The following TIMD4 variants were observed in gnomAD, a reference collection of about 807,000 sequenced individuals.
TIMD4 encodes T cell immunoglobulin and mucin domain containing 4, also known as T-cell immunoglobulin and mucin domain-containing protein 4.
TIMD4 carries 31 observed loss-of-function variants against 41.2 expected under a neutral mutation model. The observed-to-expected ratio is 0.75, with a 90% CI of 0.57 to 1.01. The LOEUF (loss-of-function observed/expected upper bound fraction) is 1.01, where lower values mean the gene tolerates loss of function less well. TIMD4 is among the 50% of genes least tolerant of loss of function. TIMD4 has a pLI of 0.00. For missense variants in TIMD4, 479 were observed against 472.5 expected, an observed-to-expected ratio of 1.01 and a Z score of -0.13; for synonymous variants, 204 against 177.1, an observed-to-expected ratio of 1.15 and a Z score of -1.21.
At chr5:156,945,092 G>A (rs1455985203) in intron 5 of TIMD4, among the ~76,000 whole-genome samples, 1 of 152,228 alleles carries the variant, frequency 6.6e-6, no homozygotes, top group Non-Finnish European at 1.5e-5. Flanking sequence ...ACAGAAGCCT[G>A]TAGGCCCTCT....
intron 3 of TIMD4, among the ~76,000 whole-genome samples, chr5:156,951,307 A>C (rs1221494369): frequency 1.3e-5 from 2 of 152,194 alleles, no homozygotes; most frequent in Non-Finnish European, 2.9e-5. Context: ...TTGACCCAGG[A>C]CTTGTAGAAC....
rs144333831 is a variant in TIMD4 at position 156,939,307 on chromosome 5, A to G, written c.844+9109T>C. Among the ~76,000 whole-genome samples the G allele has an allele frequency of 3.9e-5, 6 of 152,338 alleles. No homozygotes were observed. The South Asian group carries it at 8.3e-4, about 21-fold the overall frequency. On this transcript the variant is annotated intron_variant, in intron 5 of 8. Transcript: ENST00000274532. ...TCATAGATTCAGACAATTGCTCACAATGAGACAATGCACTAGACACGTTGA... is the reference window on the plus strand; with the variant it reads ...TCATAGATTCAGACAATTGCTCACAGTGAGACAATGCACTAGACACGTTGA...
intron 5 of TIMD4, among the ~76,000 whole-genome samples, chr5:156,944,689 T>C (rs1048901334): frequency 6.6e-6 from 1 of 152,028 alleles, no homozygotes; most frequent in African/African-American, 2.4e-5. Context: ...TATTTTTTAG[T>C]AGAGACGGGG....
chr5:156,946,394 C>T (rs1291527161), intron 5 of TIMD4, among the ~76,000 whole-genome samples: 10 of 152,200 alleles, frequency 6.6e-5, no homozygotes, highest in African/African-American at 2.4e-4. Context: ...AGGGCCCCCT[C>T]GCATTTCATC....
At chr5:156,936,272 T>C (rs1581617616) in intron 5 of TIMD4, among the ~76,000 whole-genome samples, 2 of 152,188 alleles carry the variant, frequency 1.3e-5, no homozygotes, top group South Asian at 2.1e-4. Flanking sequence ...CTAATCTTGA[T>C]TGAGGGAGGT....
intron 3 of TIMD4, among the ~76,000 whole-genome samples, chr5:156,950,532 T>C (rs894273412): frequency 1.3e-5 from 2 of 152,228 alleles, no homozygotes; most frequent in Non-Finnish European, 2.9e-5. Flanking sequence ...TTGAGGCAGC[T>C]GAAATATCTA....
At chr5:156,938,646 C>G (rs943104487) in intron 5 of TIMD4, among the ~76,000 whole-genome samples, 20 of 152,312 alleles carry the variant, frequency 1.3e-4, no homozygotes, top group Non-Finnish European at 2.4e-4. Flanking sequence ...TCCTCCTATG[C>G]CATGCCAGAA....
intron 6 of TIMD4, among the ~76,000 whole-genome samples, chr5:156,923,394 C>T (rs1376857514): frequency 6.6e-6 from 1 of 152,106 alleles, no homozygotes; most frequent in Non-Finnish European, 1.5e-5. Flanking sequence ...AGTGATCTGC[C>T]CACCTCAGCC....
chr5:156,941,455 T>C (rs995745101), intron 5 of TIMD4, among the ~76,000 whole-genome samples: 9 of 152,252 alleles, frequency 5.9e-5, no homozygotes, highest in Non-Finnish European at 1.2e-4. Flanking sequence ...ACCAGACTGT[T>C]AAATAATCAC....
chr5:156,925,295 G>A (rs528093379), intron 6 of TIMD4, among the ~76,000 whole-genome samples: 12 of 152,338 alleles, frequency 7.9e-5, no homozygotes, highest in African/African-American at 2.9e-4. Flanking sequence ...GGGCAAGAGT[G>A]AGACTTTGTC....
chr5:156,939,999 C>T (rs1199923393), intron 5 of TIMD4, among the ~76,000 whole-genome samples: 1 of 152,248 alleles, frequency 6.6e-6, no homozygotes, highest in East Asian at 1.9e-4. Flanking sequence ...CCACGGTCTC[C>T]CTCTGTTGCC....
intron 6 of TIMD4, among the ~76,000 whole-genome samples, chr5:156,923,616 G>T (rs1432788927): frequency 6.6e-6 from 1 of 151,384 alleles, no homozygotes; most frequent in Non-Finnish European, 1.5e-5. Flanking sequence ...ACAGCTCACT[G>T]CAACCTTGAA....
At chr5:156,932,823 G>A (rs923070292) in intron 5 of TIMD4, among the ~76,000 whole-genome samples, 4 of 151,986 alleles carry the variant, frequency 2.6e-5, no homozygotes, top group Admixed American at 1.3e-4. Flanking sequence ...GGCCAACATG[G>A]TTAAACCCTG....
intron 5 of TIMD4, among the ~76,000 whole-genome samples, chr5:156,937,637 A>G (rs1759564424): frequency 6.6e-6 from 1 of 151,820 alleles, no homozygotes; most frequent in Non-Finnish European, 1.5e-5. Context: ...ACATGGACAT[A>G]CCTCTTTTAA....
At chr5:156,958,070 G>A (rs1400831002) in intron 1 of TIMD4, among the ~76,000 whole-genome samples, 1 of 151,886 alleles carries the variant, frequency 6.6e-6, no homozygotes, top group African/African-American at 2.4e-5. Context: ...TTAGGAGTTC[G>A]AGACCAGCCT....
At chr5:156,962,113 G>A (rs1753075472) in intron 1 of TIMD4, among the ~76,000 whole-genome samples, 1 of 151,808 alleles carries the variant, frequency 6.6e-6, no homozygotes, top group Admixed American at 6.6e-5. Context: ...CAGGTTAATG[G>A]GTACAAAAAT....
At chr5:156,958,790 C>G (rs1581636927) in intron 1 of TIMD4, among the ~76,000 whole-genome samples, 1 of 152,058 alleles carries the variant, frequency 6.6e-6, no homozygotes, top group Non-Finnish European at 1.5e-5. Context: ...ATGAAATGGA[C>G]AATGTATATA....
At chr5:156,927,341 G>A (rs1169927682) in intron 5 of TIMD4, among the ~76,000 whole-genome samples, 1 of 152,192 alleles carries the variant, frequency 6.6e-6, no homozygotes, top group African/African-American at 2.4e-5. Context: ...GTTTCAGGTG[G>A]ACAGAACAGC....
chr5:156,951,683 T>G lies in TIMD4; in HGVS notation c.508A>C (p.Thr170Pro). The G allele has an allele frequency of 6.2e-7, 1 of 1,613,974 alleles. No homozygotes were observed. The highest frequency in any genetic ancestry group is 1.7e-5 in the Admixed American group (1 of 59,986). ...MTTTPAALPT[T>P]VVTTPDLTTG... ...GTGAGATCGGGTGTGGTCACGACTGTTGTTGGAAGTGCAGCTGGGGTTGTT... is the reference window on the plus strand; with the variant it reads ...GTGAGATCGGGTGTGGTCACGACTGGTGTTGGAAGTGCAGCTGGGGTTGTT... Residue 170 changes from threonine (T) to proline (P), a missense_variant, in exon 3 of 9, where the codon ACA (threonine) becomes CCA (proline). Thr to Pro is a conservative substitution (Grantham distance 38). Coordinates refer to ENST00000274532, the MANE Select transcript of TIMD4 (RefSeq NM_138379.3).
Sources: allele counts gnomAD v4.1 joint callset (sites outside exome capture counted in the v4.1 genomes callset), GRCh38; gene constraint gnomAD v4.1.1; transcripts MANE v1.5; gene names NCBI Gene and HGNC (gene_info 2026-07-23, HGNC 2026-07-21).